Variants in SIK3 observed in about 807,000 individuals in gnomAD.
The protein encoded by SIK3 is serine/threonine-protein kinase SIK3.
A neutral mutation model predicts 144.2 loss-of-function variants in SIK3; 28 were observed. That is an observed-to-expected ratio of 0.19 (90% CI 0.14 to 0.27). The LOEUF is 0.27. SIK3 is among the 10% of genes least tolerant of loss of function. The pLI is 1.00. For missense variants in SIK3, 1,319 were observed against 1,776.0 expected (o/e 0.74, Z 4.62); for synonymous variants, 686 against 676.3 (o/e 1.01, Z -0.22).
chr11:116,892,054 T>G (rs772616803), intron 6 of SIK3, among the ~76,000 whole-genome samples: 5 of 152,174 alleles, frequency 3.3e-5, no homozygotes, highest in African/African-American at 1.2e-4. Context: ...TATGTCTCCA[T>G]TGATCTGACT....
rs547176810 is a variant in SIK3, at chr11:116,849,210, G to A, written c.3729C>T (p.Leu1243=). 144 of 1,614,148 alleles carry A rather than the reference G, an allele frequency of 8.9e-5. 1 individual carries two copies. The East Asian group carries it at 2.3e-3, about 26-fold the overall frequency. Residue 1243 remains leucine (L), a synonymous_variant, in exon 22 of 25, where the codon CTC becomes CTT. Coordinates refer to ENST00000445177, the MANE Select transcript of SIK3 (RefSeq NM_001366686.3). This position sits in a 1 kb window ranked among gnomAD's most constrained non-coding sequence, Gnocchi z 4.2. ...QAVELPDHNG[L]GYPARPSVHE... is the part of the protein sequence containing the mutation. ...GGACGGAGGGGCGTGCTGGGTACCC[G>A]AGCCCATTGTGATCCGGCAGCTCCA... is the stretch of plus-strand genomic sequence containing the variant.
intron 1 of SIK3, among the ~76,000 whole-genome samples, chr11:117,081,657 T>C (rs1479318448): frequency 2.0e-5 from 3 of 152,184 alleles, no homozygotes; most frequent in African/African-American, 4.8e-5. Flanking sequence ...AATAAAGTCT[T>C]TGAGGCTAGA....
At chr11:116,911,371 G>T (rs1487775102) in intron 4 of SIK3, among the ~76,000 whole-genome samples, 1 of 152,072 alleles carries the variant, frequency 6.6e-6, no homozygotes, top group Non-Finnish European at 1.5e-5. Context: ...GCTGGGTGTG[G>T]TGGCACATGC....
chr11:117,023,267 G>A (rs1338603159), intron 1 of SIK3, among the ~76,000 whole-genome samples: 2 of 151,938 alleles, frequency 1.3e-5, no homozygotes, highest in African/African-American at 4.8e-5. Flanking sequence ...CAAAGCACAG[G>A]GAGAAGTTGT....
At chr11:116,906,935 C>T (rs1329635840) in intron 4 of SIK3, among the ~76,000 whole-genome samples, 1 of 152,132 alleles carries the variant, frequency 6.6e-6, no homozygotes, top group East Asian at 1.9e-4. Context: ...TACTTAGAAA[C>T]GAACGTCGTG....
In SIK3 at chr11:116,847,457, C is replaced by T; in HGVS notation, c.3952+19G>A. 1.9e-6 allele frequency: 3 copies of T among 1,614,050 alleles called. No homozygotes were observed. The highest frequency in any genetic ancestry group is 2.5e-6 in the Non-Finnish European group (3 of 1,179,966). ...CTCCAGGAACTTCTCTGGAGTGCCC[C>T]ATGCATAAGGCTCCTCACCCTCATT... On this transcript the variant is annotated intron_variant, in intron 23 of 24. Transcript: ENST00000445177.
chr11:117,069,040 G>A (rs757269912), intron 1 of SIK3, among the ~76,000 whole-genome samples: 6 of 151,976 alleles, frequency 3.9e-5, no homozygotes, highest in Non-Finnish European at 8.8e-5. Flanking sequence ...AAACTTAAGG[G>A]GATGGAAATC....
intron 1 of SIK3, among the ~76,000 whole-genome samples, chr11:116,965,131 GA>G: frequency 6.6e-6 from 1 of 152,226 alleles, no homozygotes; most frequent in African/African-American, 2.4e-5. Context: ...GTGATTACTT[GA>G]AATTCAAGAT....
chr11:116,936,718 A>G (rs1375170554), intron 3 of SIK3, among the ~76,000 whole-genome samples: 1 of 152,168 alleles, frequency 6.6e-6, no homozygotes, highest in East Asian at 1.9e-4. Flanking sequence ...CATTGTTACC[A>G]GTTATTCTAA....
intron 1 of SIK3, among the ~76,000 whole-genome samples, chr11:117,024,105 T>A (rs1951909907): frequency 6.6e-6 from 1 of 152,118 alleles, no homozygotes; most frequent in Admixed American, 6.5e-5. Flanking sequence ...TGTAAAATCA[T>A]CCATACCTCC....
At chr11:117,005,093 A>C (rs556535143) in intron 1 of SIK3, among the ~76,000 whole-genome samples, 108 of 152,230 alleles carry the variant, frequency 7.1e-4, no homozygotes, top group African/African-American at 2.6e-3. Flanking sequence ...TCAGTTTTTA[A>C]AAGACTGTAT....
At position 116,876,002 on chromosome 11, in the gene SIK3, C is replaced by T. The variant is rs12222632; in HGVS notation, c.1103G>A (p.Arg368Lys). 1.9e-5 allele frequency: 31 copies of T among 1,613,408 alleles called. No homozygotes were observed. The highest frequency in any genetic ancestry group is 2.5e-5 in the Non-Finnish European group (29 of 1,179,910). Residue 368 changes from arginine (R) to lysine (K), a missense_variant, in exon 9 of 25, where the codon AGA becomes AAA. Arg to Lys is a conservative substitution (Grantham distance 26, BLOSUM62 2). Transcript: ENST00000445177. ...ACTATAGTGATCATAGGCATCTGAT[C>T]TTAATGACTACCAAGAGAGAAGGGA... The part of the protein sequence containing the change: ...LDKEQTLQSL[R>K]SDAYDHYSAI...
chr11:116,909,157 A>G (rs1351530621), intron 4 of SIK3, among the ~76,000 whole-genome samples: 1 of 152,212 alleles, frequency 6.6e-6, no homozygotes, highest in African/African-American at 2.4e-5. Flanking sequence ...AAACAGACAA[A>G]AAATAATATA....
intron 6 of SIK3, among the ~76,000 whole-genome samples, chr11:116,879,971 T>C (rs1323261640): frequency 6.6e-6 from 1 of 152,200 alleles, no homozygotes; most frequent in Non-Finnish European, 1.5e-5. Context: ...AAGACTCCTG[T>C]GTAGGGAGAA....
chr11:116,959,872 T>C (rs1949278638), intron 1 of SIK3, among the ~76,000 whole-genome samples: 1 of 152,204 alleles, frequency 6.6e-6, no homozygotes, highest in Non-Finnish European at 1.5e-5. Flanking sequence ...ATGCCTTTTG[T>C]TGGCTATAAT....
chr11:116,847,537 A>G lies in SIK3; in HGVS notation c.3891T>C (p.Asp1297=). ...TGAGCGAAGACTGACTGAGAACTGC[A>G]TCCGACATCCGGGCAGAGCTAAGTG... ...GKALSSARMS[D]AVLSQSSLMG... The change falls in exon 23 of 25, where the codon GAT becomes GAC. Residue 1297 remains aspartate (D), a synonymous_variant. Transcript: ENST00000445177. 2 of 1,614,206 alleles carry G rather than the reference A, an allele frequency of 1.2e-6. No individual in the cohort carries two copies. Among genetic ancestry groups the G allele is most frequent in the Non-Finnish European group, 1.7e-6 (2 of 1,180,036 alleles).
intron 1 of SIK3, among the ~76,000 whole-genome samples, chr11:117,049,900 T>C (rs1192769708): frequency 2.0e-5 from 3 of 152,054 alleles, no homozygotes. Flanking sequence ...TTCAAGTTTA[T>C]AGTGAGCTAG....
chr11:116,895,959 T>G (rs577998013), intron 6 of SIK3, among the ~76,000 whole-genome samples: 1 of 152,314 alleles, frequency 6.6e-6, no homozygotes, highest in Middle Eastern at 3.4e-3. Flanking sequence ...ATTATCTCAT[T>G]TAATCCTTAC....
At position 117,016,363 on chromosome 11, in the gene SIK3, AGGGAAG is replaced by A. The variant is rs1951526487; in HGVS notation, c.274-59305_274-59300del. ...GAAGGAAGGAGGGAGGGAGGGAGGG[AGGGAAG>A]GAGAGGGAGGGAGAGAGGGAGGGAG... On this transcript the variant is annotated intron_variant, in intron 1 of 24. Transcript: ENST00000445177. Among the ~76,000 whole-genome samples, 3 of 81,942 alleles carry A rather than the reference AGGGAAG, an allele frequency of 3.7e-5. No individual in the cohort carries two copies. In the East Asian group the frequency reaches 1.2e-3, roughly 32 times the overall value. 53.8% of individuals were successfully genotyped at this position (81,942 alleles called of 152,430 possible). A position where few individuals can be genotyped will look rare whatever the true frequency, so the allele number is the denominator to read the frequency against.
Sources: allele counts gnomAD v4.1 joint callset (sites outside exome capture counted in the v4.1 genomes callset), GRCh38; gene constraint gnomAD v4.1.1; non-coding constraint Gnocchi (gnomAD v3.1); transcripts MANE v1.5; gene names NCBI Gene and HGNC (gene_info 2026-07-23, HGNC 2026-07-21).